STOX2: variants seen among roughly 807,000 people sequenced by gnomAD.
STOX2 encodes storkhead-box protein 2.
A neutral mutation model predicts 60.9 loss-of-function variants in STOX2; 28 were observed. That is an observed-to-expected ratio of 0.46 (90% CI 0.34 to 0.63). The LOEUF (loss-of-function observed/expected upper bound fraction) is 0.63, where lower values mean the gene tolerates loss of function less well. Ranked by LOEUF, STOX2 falls within the 30% of genes least tolerant of loss-of-function variation. STOX2 has a pLI of 0.01. For synonymous variants in STOX2, 472 were observed against 463.9 expected (o/e 1.02, Z -0.22); for missense variants, 1,024 against 1,187.7 (o/e 0.86, Z 2.03).
rs1491370435 is a variant in STOX2, at chr4:184,020,683, G to GC, written c.*3399_*3400insC. 6.9e-5 allele frequency: 3 copies of GC among 43,248 alleles called. No homozygotes were observed. Among genetic ancestry groups the GC allele is most frequent in the African/African-American group, 2.5e-4 (3 of 12,000 alleles). The allele number at this position is 43,248 out of a possible 1,614,324, so 2.7% of individuals were successfully genotyped here. On this transcript the variant is annotated 3_prime_UTR_variant, in exon 4 of 4. Transcript: ENST00000308497. ...AGGGGACCATAATGAACATATGAAA[G>GC]GGGGGGGGGTGCCATCAAATAGAGA...
At chr4:183,925,846 T>C (rs1025810691) in intron 1 of STOX2, among the ~76,000 whole-genome samples, 6 of 152,244 alleles carry the variant, frequency 3.9e-5, no homozygotes, top group Admixed American at 3.3e-4. Flanking sequence ...TCAATGGTTC[T>C]ACTAAGAGAT....
chr4:183,940,293 C>T (rs2111128248), intron 1 of STOX2, among the ~76,000 whole-genome samples: 1 of 152,358 alleles, frequency 6.6e-6, no homozygotes, highest in East Asian at 1.9e-4. Flanking sequence ...TTCCACAAAA[C>T]TGCTAGGGCA....
intron 1 of STOX2, among the ~76,000 whole-genome samples, chr4:183,890,810 G>C (rs1172640243): frequency 6.6e-6 from 1 of 152,040 alleles, no homozygotes; most frequent in Non-Finnish European, 1.5e-5. Context: ...AAAAGAGAGA[G>C]CTTGTTATTC....
intron 1 of STOX2, among the ~76,000 whole-genome samples, chr4:183,857,946 A>G (rs191579224): frequency 3.9e-5 from 6 of 152,250 alleles, no homozygotes; most frequent in Admixed American, 1.3e-4. Flanking sequence ...CACTTCTCAA[A>G]CATTTATCGA....
chr4:183,936,692 G>A (rs1742601837), intron 1 of STOX2, among the ~76,000 whole-genome samples: 1 of 152,144 alleles, frequency 6.6e-6, no homozygotes, highest in East Asian at 1.9e-4. Context: ...GAGAGGTATA[G>A]GTGCATGGAA....
At chr4:183,864,560 A>G (rs4862259) in intron 1 of STOX2, among the ~76,000 whole-genome samples, 71,546 of 151,622 alleles carry the variant, frequency 0.47, 18,057 homozygotes, top group East Asian at 0.57. Flanking sequence ...TGCCTGGCTA[A>G]TTTTTGTATT....
chr4:183,798,146 C>G (rs1056290567), intron 1 of STOX2: 1 of 1,172,234 alleles, frequency 8.5e-7, no homozygotes, highest in Non-Finnish European at 1.1e-6. Flanking sequence ...TGCCCCAGCC[C>G]GCCGCGGGCA....
chr4:183,917,881 A>G (rs1032060521), intron 1 of STOX2, among the ~76,000 whole-genome samples: 14 of 152,264 alleles, frequency 9.2e-5, no homozygotes, highest in African/African-American at 3.1e-4. Flanking sequence ...AATCTATGTT[A>G]TCAGTCTATC....
chr4:183,875,498 G>C (rs1429694526), intron 1 of STOX2, among the ~76,000 whole-genome samples: 1 of 152,236 alleles, frequency 6.6e-6, no homozygotes, highest in Non-Finnish European at 1.5e-5. Context: ...AGTCGGGACT[G>C]TGTTCCCTGG....
chr4:183,962,370 T>C (rs1743438272), intron 1 of STOX2, among the ~76,000 whole-genome samples: 1 of 152,242 alleles, frequency 6.6e-6, no homozygotes, highest in South Asian at 2.1e-4. Flanking sequence ...TTAGGTGATT[T>C]AGTATGTCTC....
intron 1 of STOX2, among the ~76,000 whole-genome samples, chr4:183,970,630 A>G (rs1030839653): frequency 6.6e-6 from 1 of 152,342 alleles, no homozygotes; most frequent in East Asian, 1.9e-4. Flanking sequence ...GCTCTCAGCT[A>G]GAGGCATCTC....
At chr4:183,894,323 T>A (rs549155122) in intron 1 of STOX2, among the ~76,000 whole-genome samples, 1 of 152,318 alleles carries the variant, frequency 6.6e-6, no homozygotes, top group South Asian at 2.1e-4. Flanking sequence ...TTAAGATTAT[T>A]ACCCATAAGC....
At chr4:183,954,883 C>G (rs1410447912) in intron 1 of STOX2, among the ~76,000 whole-genome samples, 1 of 152,066 alleles carries the variant, frequency 6.6e-6, no homozygotes, top group Non-Finnish European at 1.5e-5. Context: ...GGATTACAGG[C>G]GTGCACCACC....
At chr4:183,857,396 TGCCTC>T (rs1740324295) in intron 1 of STOX2, among the ~76,000 whole-genome samples, 2 of 151,550 alleles carry the variant, frequency 1.3e-5, no homozygotes, top group African/African-American at 4.9e-5. Context: ...CAGGACTGGT[TGCCTC>T]ATAGGATTGG....
Position 183,979,616 on chromosome 4 carries a change from A to G in STOX2, c.167-21709A>G, listed in dbSNP as rs73008356. On this transcript the variant is annotated intron_variant, in intron 1 of 3. Transcript: ENST00000308497. Reference sequence around the variant, plus strand: ...TTTTATTATTATTTTAAATGTTATTAGGAACTAACAGTATTAGTTCCTAAT... The same window carrying G: ...TTTTATTATTATTTTAAATGTTATTGGGAACTAACAGTATTAGTTCCTAAT... Among the ~76,000 whole-genome samples, 484 of 152,294 alleles carry G rather than the reference A, an allele frequency of 3.2e-3. 2 individuals carry two copies. The highest frequency in any genetic ancestry group is 0.011 in the African/African-American group (461 of 41,558).
intron 1 of STOX2, among the ~76,000 whole-genome samples, chr4:183,875,963 T>C (rs1485840390): frequency 1.3e-5 from 2 of 152,200 alleles, no homozygotes; most frequent in East Asian, 3.8e-4. Context: ...TCCTCCTGCC[T>C]CAGCCTCCCA....
In STOX2 at chr4:183,801,849, C is replaced by T. The variant is rs369655242; in HGVS notation, c.364+3794C>T. On this transcript the variant is annotated intron_variant, in intron 1 of 2. Transcript: ENST00000513034. ...GAATGAAGTGATTTGATCTGTGTTA[C>T]AATGAGAATTCCATGCCAGTGAGGG... Among the ~76,000 whole-genome samples the T allele has an allele frequency of 1.1e-4, 16 of 151,476 alleles. 1 individual carries two copies. The East Asian group carries it at 2.5e-3, about 24-fold the overall frequency.
intron 1 of STOX2, among the ~76,000 whole-genome samples, chr4:183,939,440 C>G (rs1281934840): frequency 6.6e-6 from 1 of 152,160 alleles, no homozygotes; most frequent in Non-Finnish European, 1.5e-5. Context: ...GAGGGCTCAC[C>G]CGAGTAATCC....
chr4:183,982,046 A>C (rs558641383), intron 1 of STOX2, among the ~76,000 whole-genome samples: 2 of 152,254 alleles, frequency 1.3e-5, no homozygotes, highest in Non-Finnish European at 2.9e-5. Context: ...GGACACCTGC[A>C]CTGAGAATCA....
Sources: allele counts gnomAD v4.1 joint callset (sites outside exome capture counted in the v4.1 genomes callset), GRCh38; gene constraint gnomAD v4.1.1; transcripts MANE v1.5; gene names NCBI Gene and HGNC (gene_info 2026-07-23, HGNC 2026-07-21).